TRHDE: variants seen among roughly 807,000 people sequenced by gnomAD.
TRHDE encodes thyrotropin-releasing hormone-degrading ectoenzyme.
A neutral mutation model predicts 125.7 loss-of-function variants in TRHDE; 72 were observed. The ratio of observed to expected loss-of-function variants is 0.57; its 90% CI spans 0.47 to 0.70. The LOEUF is 0.70. TRHDE is among the 30% of genes least tolerant of loss of function. The pLI, the probability that TRHDE is intolerant of heterozygous loss-of-function variation, is 0.00. For synonymous variants in TRHDE, 509 were observed against 509.1 expected (o/e 1.00, Z 0.00); for missense variants, 1,110 against 1,327.1 (o/e 0.84, Z 2.54).
chr12:72,608,318 A>T (rs753957565), intron 12 of TRHDE, among the ~76,000 whole-genome samples: 1 of 152,138 alleles, frequency 6.6e-6, no homozygotes, highest in Non-Finnish European at 1.5e-5. Context: ...TCTTTGTTTG[A>T]AGCATTTTTT....
At chr12:72,455,566 T>G (rs1875803680) in intron 3 of TRHDE, among the ~76,000 whole-genome samples, 1 of 152,126 alleles carries the variant, frequency 6.6e-6, no homozygotes, top group African/African-American at 2.4e-5. Context: ...AATGGATGGA[T>G]TTATGTTTCC....
At chr12:72,342,142 C>T (rs1304026508) in intron 2 of TRHDE, among the ~76,000 whole-genome samples, 2 of 152,074 alleles carry the variant, frequency 1.3e-5, no homozygotes, top group Non-Finnish European at 1.5e-5. Flanking sequence ...TGTTACTTCT[C>T]TTTCAAATTG....
chr12:72,627,971 C>A (rs772957168), intron 15 of TRHDE, among the ~76,000 whole-genome samples: 2 of 151,696 alleles, frequency 1.3e-5, no homozygotes, highest in African/African-American at 2.4e-5. Flanking sequence ...GGACTTTTAA[C>A]TTTTCTAAAA....
chr12:72,378,420 A>G (rs972086043), intron 3 of TRHDE, among the ~76,000 whole-genome samples: 1 of 152,178 alleles, frequency 6.6e-6, no homozygotes, highest in Non-Finnish European at 1.5e-5. Context: ...TGCCAACATC[A>G]TATTTAATCA....
intron 12 of TRHDE, among the ~76,000 whole-genome samples, chr12:72,597,976 T>C (rs983799324): frequency 6.6e-6 from 1 of 151,514 alleles, no homozygotes; most frequent in African/African-American, 2.4e-5. Context: ...TTCTTCAAAA[T>C]ACCATTTGCC....
rs1187935384 is a variant in TRHDE, at chr12:72,089,815, A to T, written n.174+2376A>T. Reference sequence around the variant, plus strand: ...TCCTCTCCCATGCAATGAGAAGTCTATGTGAACTGGGATCTGCATCTGCTT... The same window carrying T: ...TCCTCTCCCATGCAATGAGAAGTCTTTGTGAACTGGGATCTGCATCTGCTT... On this transcript the variant is annotated intron_variant and non_coding_transcript_variant, in intron 1 of 4. Transcript: ENST00000548156. 8.5e-5 allele frequency among the ~76,000 whole-genome samples: 13 copies of T among 152,322 alleles called. 1 individual carries two copies. The South Asian group carries it at 2.7e-3, about 32-fold the overall frequency.
chr12:72,479,647 G>GTTT (rs5799077), intron 5 of TRHDE, among the ~76,000 whole-genome samples: 4 of 148,798 alleles, frequency 2.7e-5, no homozygotes, highest in African/African-American at 9.9e-5. Flanking sequence ...ATTTTTTTTT[G>GTTT]TTTTTTTTTA....
intron 6 of TRHDE, among the ~76,000 whole-genome samples, chr12:72,538,549 A>T (rs1042375897): frequency 6.6e-6 from 1 of 151,678 alleles, no homozygotes; most frequent in Non-Finnish European, 1.5e-5. Flanking sequence ...CTCTTGGCAG[A>T]CTCTCCCACT....
intron 3 of TRHDE, among the ~76,000 whole-genome samples, chr12:72,413,213 T>G (rs1186190905): frequency 1.3e-5 from 2 of 152,012 alleles, no homozygotes; most frequent in Admixed American, 6.6e-5. Context: ...TGGCATAATT[T>G]TTTTAAAAAA....
At chr12:72,620,013 A>G (rs1872979360) in intron 13 of TRHDE, among the ~76,000 whole-genome samples, 1 of 151,996 alleles carries the variant, frequency 6.6e-6, no homozygotes, top group African/African-American at 2.4e-5. Flanking sequence ...GTTCATTGTT[A>G]GTTTTGTCTA....
chr12:72,642,023 A>G (rs1874085897), intron 15 of TRHDE, among the ~76,000 whole-genome samples: 1 of 152,176 alleles, frequency 6.6e-6, no homozygotes, highest in East Asian at 1.9e-4. Flanking sequence ...ATTGTTTTTT[A>G]GCCCTGTTTC....
chr12:72,632,772 T>G (rs1351809814), intron 15 of TRHDE, among the ~76,000 whole-genome samples: 1 of 151,608 alleles, frequency 6.6e-6, no homozygotes, highest in Non-Finnish European at 1.5e-5. Flanking sequence ...AATTTTCCTC[T>G]ATTTGCTTTT....
At chr12:72,640,190 G>A (rs982083983) in intron 15 of TRHDE, among the ~76,000 whole-genome samples, 17 of 152,228 alleles carry the variant, frequency 1.1e-4, no homozygotes, top group Admixed American at 3.9e-4. Flanking sequence ...AGCCAGGTGC[G>A]GGACACAATC....
In TRHDE at chr12:72,176,461, A is replaced by G. The variant is rs1430930883; in HGVS notation, n.279+70709A>G. Reference sequence around the variant, plus strand: ...CAGCTAGAGGCTGTGAGTGTGGGCAATGAGTGTTTCTGGGTGGCTCATCTT... The same window carrying G: ...CAGCTAGAGGCTGTGAGTGTGGGCAGTGAGTGTTTCTGGGTGGCTCATCTT... On this transcript the variant is annotated intron_variant and non_coding_transcript_variant, in intron 2 of 4. Coordinates refer to the TRHDE transcript ENST00000548156. Among the ~76,000 whole-genome samples, 4 of 152,280 alleles carry G rather than the reference A, an allele frequency of 2.6e-5. No individual in the cohort carries two copies. In the East Asian group the frequency reaches 5.8e-4, roughly 22 times the overall value.
intron 2 of TRHDE, among the ~76,000 whole-genome samples, chr12:72,159,516 T>C (rs1009013348): frequency 5.3e-5 from 8 of 152,226 alleles, no homozygotes; most frequent in Non-Finnish European, 1.0e-4. Flanking sequence ...TTGTATTTGT[T>C]AACCTTGAAC....
intron 2 of TRHDE, among the ~76,000 whole-genome samples, chr12:72,196,130 A>T (rs1401686046): frequency 2.0e-5 from 3 of 152,030 alleles, no homozygotes; most frequent in African/African-American, 7.2e-5. Context: ...TATTGTAGCC[A>T]TACGGTATAG....
At chr12:72,109,894 T>G (rs935143130) in intron 2 of TRHDE, among the ~76,000 whole-genome samples, 3 of 152,100 alleles carry the variant, frequency 2.0e-5, no homozygotes, top group Non-Finnish European at 4.4e-5. Flanking sequence ...GGAAATGGCT[T>G]TGGTTACACA....
At chr12:72,319,141 G>A (rs1250553774) in intron 2 of TRHDE, among the ~76,000 whole-genome samples, 3 of 152,170 alleles carry the variant, frequency 2.0e-5, no homozygotes, top group Admixed American at 6.5e-5. Context: ...GAGACATTAT[G>A]TCAGATGGAG....
chr12:72,610,502 C>T (rs1872593816), intron 12 of TRHDE, among the ~76,000 whole-genome samples: 1 of 152,164 alleles, frequency 6.6e-6, no homozygotes, highest in African/African-American at 2.4e-5. Context: ...CAGATCGTGT[C>T]ATTTCCCAGC....
Sources: gnomAD v4.1 joint callset for allele counts (sites outside exome capture counted in the v4.1 genomes callset) on GRCh38, gnomAD v4.1.1 for gene constraint, MANE v1.5 for transcripts, NCBI Gene and HGNC (gene_info 2026-07-23, HGNC 2026-07-21) for gene names.